Variants in HSD17B11 observed in about 807,000 individuals in gnomAD.
The protein encoded by HSD17B11 is estradiol 17-beta-dehydrogenase 11.
Under a neutral mutation model 27.8 loss-of-function variants are expected in HSD17B11, and 22 were observed. The observed-to-expected ratio is 0.79, with a 90% CI of 0.56 to 1.13. The LOEUF (loss-of-function observed/expected upper bound fraction) is 1.13. Ranked by LOEUF, HSD17B11 falls within the 50% of genes most tolerant of loss-of-function variation. The pLI, the probability that HSD17B11 is intolerant of heterozygous loss-of-function variation, is 0.00. For synonymous variants in HSD17B11, 117 were observed against 132.8 expected (o/e 0.88, Z 0.82); for missense variants, 314 against 351.1 (o/e 0.89, Z 0.84).
intron 2 of HSD17B11, among the ~76,000 whole-genome samples, chr4:87,378,129 G>C (rs112520819): frequency 3.3e-5 from 5 of 152,244 alleles, no homozygotes; most frequent in African/African-American, 7.2e-5. Flanking sequence ...CATGCTGAAG[G>C]CTCTTCAGTC....
In HSD17B11 at chr4:87,337,200, T is replaced by C. The variant is rs878865099; in HGVS notation, c.*76A>G. ...GGGGATAATTAGAAAAAACAGAAGTTCAAACATTAAAATTCTGGCACTATT... is the reference window on the plus strand; with the variant it reads ...GGGGATAATTAGAAAAAACAGAAGTCCAAACATTAAAATTCTGGCACTATT... On this transcript the variant is annotated 3_prime_UTR_variant, in exon 7 of 7. Coordinates refer to ENST00000358290, the MANE Select transcript of HSD17B11 (RefSeq NM_016245.5). 1.0e-4 allele frequency: 93 copies of C among 903,614 alleles called. No individual in the cohort carries two copies. The South Asian group carries it at 1.3e-3, about 13-fold the overall frequency. The allele number at this position is 903,614 out of a possible 1,614,324, so 56.0% of individuals were successfully genotyped here. A position where few individuals can be genotyped will look rare whatever the true frequency, so the allele number is the denominator to read the frequency against.
intron 4 of HSD17B11, among the ~76,000 whole-genome samples, chr4:87,368,156 A>C (rs934126375): frequency 4.6e-5 from 7 of 152,100 alleles, no homozygotes; most frequent in African/African-American, 1.7e-4. Context: ...TCTCTACTAA[A>C]AATACAAAAA....
chr4:87,380,470 C>CAAAAAAAA (rs759061081), intron 2 of HSD17B11, among the ~76,000 whole-genome samples: 3 of 38,962 alleles, frequency 7.7e-5, no homozygotes, highest in Admixed American at 3.0e-4. Context: ...AAGACTGTCT[C>CAAAAAAAA]AAAAAAAAAA....
At chr4:87,348,978 G>C (rs1735299835) in intron 5 of HSD17B11, among the ~76,000 whole-genome samples, 1 of 3,156 alleles carries the variant, frequency 3.2e-4, no homozygotes, top group Non-Finnish European at 5.1e-4. Context: ...TGTATCCTGA[G>C]ACTTTGCTGA....
At chr4:87,380,854 A>C in intron 2 of HSD17B11, among the ~76,000 whole-genome samples, 1 of 92,976 alleles carries the variant, frequency 1.1e-5, no homozygotes, top group African/African-American at 4.4e-5. Flanking sequence ...CTAGAGCTAG[A>C]CTCTATCTCA....
chr4:87,373,682 C>T (rs1367631480), intron 3 of HSD17B11, among the ~76,000 whole-genome samples: 4 of 152,142 alleles, frequency 2.6e-5, no homozygotes, highest in Non-Finnish European at 5.9e-5. Context: ...TGCACTCCAG[C>T]CTGGGCAACA....
At chr4:87,355,923 CAAAG>C (rs1410805239) in intron 5 of HSD17B11, among the ~76,000 whole-genome samples, 2 of 150,082 alleles carry the variant, frequency 1.3e-5, no homozygotes, top group African/African-American at 5.0e-5. Context: ...AAAAAACAAA[CAAAG>C]AAACAAACAA....
chr4:87,378,942 ATATATT>A (rs1560769620), intron 2 of HSD17B11, among the ~76,000 whole-genome samples: 9 of 19,228 alleles, frequency 4.7e-4, no homozygotes, highest in South Asian at 1.0e-3. Context: ...ATATATATAT[ATATATT>A]TATATATATA....
At chr4:87,381,219 A>T (rs76537646) in intron 2 of HSD17B11, among the ~76,000 whole-genome samples, 5,491 of 150,788 alleles carry the variant, frequency 0.036, 366 homozygotes, top group African/African-American at 0.13. Flanking sequence ...AACTCAAACC[A>T]AAAATTCCAT....
At chr4:87,371,584 C>T (rs768465001) in intron 4 of HSD17B11, among the ~76,000 whole-genome samples, 4 of 152,246 alleles carry the variant, frequency 2.6e-5, no homozygotes, top group African/African-American at 7.2e-5. Context: ...ATGTATGTCA[C>T]GTGTCAATAA....
At chr4:87,346,427 T>C (rs1337410664) in intron 5 of HSD17B11, among the ~76,000 whole-genome samples, 1 of 152,146 alleles carries the variant, frequency 6.6e-6, no homozygotes, top group East Asian at 1.9e-4. Context: ...GGCAGGCGGA[T>C]CGCTTGAGGT....
intron 2 of HSD17B11, among the ~76,000 whole-genome samples, chr4:87,380,470 CAA>C (rs759061081): frequency 5.1e-5 from 2 of 39,074 alleles, no homozygotes; most frequent in African/African-American, 1.1e-4. Flanking sequence ...AAGACTGTCT[CAA>C]AAAAAAAAAA....
chr4:87,340,501 TG>T lies in HSD17B11; in HGVS notation c.800del (p.Thr267LysfsTer15). ...TAACTGTCACTTACCTTTCCAATGTTGTTAAAAAAGCTATAGAAGATGGAAT... is the reference window on the plus strand; with the variant it reads ...TAACTGTCACTTACCTTTCCAATGTTTTAAAAAAGCTATAGAAGATGGAAT... ...IFIPSSIAFL[T>X]TLERILPERF... On this transcript the variant is annotated frameshift_variant, in exon 6 of 7. Transcript: ENST00000358290. LOFTEE classifies it low-confidence loss of function (END_TRUNC). The T allele has an allele frequency of 6.3e-7, 1 of 1,597,078 alleles. No individual in the cohort carries two copies. The highest frequency in any genetic ancestry group is 8.6e-7 in the Non-Finnish European group (1 of 1,169,026).
intron 4 of HSD17B11, among the ~76,000 whole-genome samples, chr4:87,363,764 A>G (rs1485956856): frequency 6.6e-6 from 1 of 152,234 alleles, no homozygotes; most frequent in East Asian, 1.9e-4. Flanking sequence ...GTAGCTCAGT[A>G]GCTAAGGTTT....
At chr4:87,361,409 C>G (rs964180768) in intron 4 of HSD17B11, among the ~76,000 whole-genome samples, 1 of 152,214 alleles carries the variant, frequency 6.6e-6, no homozygotes, top group East Asian at 1.9e-4. Context: ...AAATGGGCAA[C>G]CAGCACCCCT....
chr4:87,356,301 A>G (rs1051495177), intron 5 of HSD17B11, among the ~76,000 whole-genome samples: 7 of 152,256 alleles, frequency 4.6e-5, no homozygotes, highest in Non-Finnish European at 1.0e-4. Flanking sequence ...AAAAGTGAAA[A>G]TATGTGTGCC....
chr4:87,357,268 T>G lies in HSD17B11; in HGVS notation c.695+11A>C. 8 of 1,609,328 alleles carry G rather than the reference T, an allele frequency of 5.0e-6. No homozygotes were observed. Among genetic ancestry groups the G allele is most frequent in the Non-Finnish European group, 6.8e-6 (8 of 1,178,582 alleles). On this transcript the variant is annotated intron_variant, in intron 5 of 6. Transcript: ENST00000358290. ...AACCACCAATCCTTTTGTCTCAATTTCTCAACTTACCTTGTACTTGGATTT... is the reference window on the plus strand; with the variant it reads ...AACCACCAATCCTTTTGTCTCAATTGCTCAACTTACCTTGTACTTGGATTT...
intron 4 of HSD17B11, among the ~76,000 whole-genome samples, chr4:87,360,553 CAGTGATTGGCTCCAGGCTAGTCT>C (rs1735489846): frequency 6.6e-6 from 1 of 152,214 alleles, no homozygotes; most frequent in South Asian, 2.1e-4. Flanking sequence ...CAAATGCATA[CAGTGATTGGCTCCAGGCTAGTCT>C]AGTCACTGAC....
At chr4:87,357,505 G>A in intron 4 of HSD17B11, 89 bp from the exon 5 acceptor site, 4 of 1,250,472 alleles carry the variant, frequency 3.2e-6, no homozygotes, top group Admixed American at 2.8e-5. Context: ...GCAGAGCAAT[G>A]TGGGCATTCC....
Sources: gnomAD v4.1 joint callset for allele counts (sites outside exome capture counted in the v4.1 genomes callset) on GRCh38, gnomAD v4.1.1 for gene constraint, MANE v1.5 for transcripts, NCBI Gene and HGNC (gene_info 2026-07-23, HGNC 2026-07-21) for gene names.